Variants in FAM107B observed in about 807,000 individuals in gnomAD.
FAM107B encodes family with sequence similarity 107 member B.
A neutral mutation model predicts 31.5 loss-of-function variants in FAM107B; 21 were observed. The ratio of observed to expected loss-of-function variants is 0.67; its 90% CI spans 0.47 to 0.96. The LOEUF (loss-of-function observed/expected upper bound fraction) is 0.96. FAM107B is among the 40% of genes least tolerant of loss of function. The probability of loss-of-function intolerance (pLI) is 0.00; values close to 1 mark genes in which losing one functional copy is unlikely to be tolerated. For missense variants in FAM107B, 452 were observed against 377.1 expected (o/e 1.20, Z -1.64); for synonymous variants, 157 against 141.5 (o/e 1.11, Z -0.78).
At chr10:14,590,332 G>A (rs1588639230) in intron 2 of FAM107B, among the ~76,000 whole-genome samples, 1 of 152,162 alleles carries the variant, frequency 6.6e-6, no homozygotes, top group East Asian at 1.9e-4. Context: ...TCAACAGCAC[G>A]ACTCCTCAGA....
chr10:14,660,194 AGGT>A (rs1323690538), intron 2 of FAM107B, among the ~76,000 whole-genome samples: 2 of 152,200 alleles, frequency 1.3e-5, no homozygotes, highest in Non-Finnish European at 2.9e-5. Flanking sequence ...CTGGCAGCAC[AGGT>A]TGAGTGCAAC....
intron 1 of FAM107B, among the ~76,000 whole-genome samples, chr10:14,672,410 T>A (rs75804339): frequency 0.034 from 5,187 of 152,322 alleles, 288 homozygotes; most frequent in African/African-American, 0.12. Context: ...TTACAATGCT[T>A]ATTAAATCAA....
At chr10:14,582,890 G>A (rs1036614949) in intron 2 of FAM107B, among the ~76,000 whole-genome samples, 10 of 151,722 alleles carry the variant, frequency 6.6e-5, no homozygotes, top group East Asian at 3.9e-4. Flanking sequence ...GTTCGAGATC[G>A]GCCTGGCCAA....
At chr10:14,548,768 G>A (rs1236165633) in intron 2 of FAM107B, 2 of 434,976 alleles carry the variant, frequency 4.6e-6, no homozygotes, top group African/African-American at 2.2e-5. Context: ...AGGGAAGAGG[G>A]GATGGCAACG....
intron 2 of FAM107B, among the ~76,000 whole-genome samples, chr10:14,599,991 C>T (rs940923432): frequency 6.6e-6 from 1 of 152,118 alleles, no homozygotes; most frequent in African/African-American, 2.4e-5. Context: ...GTCAAGAGTT[C>T]ACCTGGTGTC....
At chr10:14,665,672 T>C (rs1232446228) in intron 2 of FAM107B, among the ~76,000 whole-genome samples, 1 of 152,218 alleles carries the variant, frequency 6.6e-6, no homozygotes, top group African/African-American at 2.4e-5. Context: ...GTATGATATG[T>C]AAGCTCCACC....
At chr10:14,683,184 C>T (rs1187064477) in intron 1 of FAM107B, among the ~76,000 whole-genome samples, 2 of 152,078 alleles carry the variant, frequency 1.3e-5, no homozygotes, top group African/African-American at 2.4e-5. Flanking sequence ...GAACCCTAGC[C>T]CCTTGCTGGT....
At chr10:14,704,248 T>C (rs1003714422) in intron 1 of FAM107B, among the ~76,000 whole-genome samples, 2 of 150,072 alleles carry the variant, frequency 1.3e-5, no homozygotes, top group African/African-American at 4.9e-5. Context: ...AGGCTAATTG[T>C]AAAGGTTTAG....
intron 1 of FAM107B, among the ~76,000 whole-genome samples, chr10:14,773,644 T>G (rs1378946976): frequency 8.1e-6 from 1 of 123,074 alleles, no homozygotes; most frequent in African/African-American, 4.4e-5. Context: ...TTAAGAGCAG[T>G]GGCACCATTT....
At chr10:14,704,383 G>A (rs182954198) in intron 1 of FAM107B, among the ~76,000 whole-genome samples, 190 of 151,988 alleles carry the variant, frequency 1.3e-3, no homozygotes, top group African/African-American at 4.3e-3. Flanking sequence ...AAAATGCTAA[G>A]TGTCACAGAA....
chr10:14,702,087 T>C (rs1375347577), intron 1 of FAM107B, among the ~76,000 whole-genome samples: 2 of 152,256 alleles, frequency 1.3e-5, no homozygotes, highest in African/African-American at 4.8e-5. Flanking sequence ...GATAAGTAAA[T>C]GCAAAAATGA....
chr10:14,555,901 A>T (rs1359664093), intron 2 of FAM107B: 1 of 153,216 alleles, frequency 6.5e-6, no homozygotes, highest in African/African-American at 2.4e-5. Flanking sequence ...TTTAACACAC[A>T]CACACACACA....
chr10:14,615,540 A>G (rs1183329865), intron 2 of FAM107B, among the ~76,000 whole-genome samples: 2 of 152,252 alleles, frequency 1.3e-5, no homozygotes, highest in Non-Finnish European at 2.9e-5. Flanking sequence ...CCTCTGGCAG[A>G]AATGCTCTTC....
intron 2 of FAM107B, among the ~76,000 whole-genome samples, chr10:14,541,542 G>C (rs1848201338): frequency 6.6e-6 from 1 of 152,074 alleles, no homozygotes; most frequent in Non-Finnish European, 1.5e-5. Context: ...CTCACAGCCT[G>C]CCTCCCCGAG....
intron 2 of FAM107B, among the ~76,000 whole-genome samples, chr10:14,649,123 C>T (rs2131444152): frequency 6.6e-6 from 1 of 152,334 alleles, no homozygotes. Flanking sequence ...CATGATCAGA[C>T]ATGCCTCAGT....
At chr10:14,622,418 TG>T (rs1481963954) in intron 2 of FAM107B, among the ~76,000 whole-genome samples, 5 of 151,736 alleles carry the variant, frequency 3.3e-5, no homozygotes, top group Non-Finnish European at 7.4e-5. Context: ...GAGATTCTCC[TG>T]CCTCAACCTC....
At chr10:14,643,685 C>G (rs1219611710) in intron 2 of FAM107B, among the ~76,000 whole-genome samples, 5 of 152,190 alleles carry the variant, frequency 3.3e-5, no homozygotes, top group African/African-American at 1.2e-4. Context: ...GCTGGGATTA[C>G]AGGCGTGAGC....
chr10:14,597,852 A>G (rs1852237412), intron 2 of FAM107B, among the ~76,000 whole-genome samples: 1 of 152,154 alleles, frequency 6.6e-6, no homozygotes, highest in Non-Finnish European at 1.5e-5. Flanking sequence ...CAGGAGGCTG[A>G]GGCAGGAGAA....
chr10:14,678,172 C>G (rs768938632), intron 1 of FAM107B, among the ~76,000 whole-genome samples: 1 of 152,200 alleles, frequency 6.6e-6, no homozygotes, highest in Non-Finnish European at 1.5e-5. Flanking sequence ...CTTATTCTCT[C>G]TAAATTTCCT....
Sources: gnomAD v4.1 joint callset for allele counts (sites outside exome capture counted in the v4.1 genomes callset) on GRCh38, gnomAD v4.1.1 for gene constraint, MANE v1.5 for transcripts, NCBI Gene and HGNC (gene_info 2026-07-23, HGNC 2026-07-21) for gene names.